OCLN: variants seen among roughly 807,000 people sequenced by gnomAD.
OCLN encodes occludin.
In OCLN, 21 loss-of-function variants were observed where a neutral mutation model predicts 47.9. The ratio of observed to expected loss-of-function variants is 0.44; its 90% CI spans 0.31 to 0.63. The LOEUF (loss-of-function observed/expected upper bound fraction) is 0.63, where lower values mean the gene tolerates loss of function less well. Ranked by LOEUF, OCLN falls within the 30% of genes least tolerant of loss-of-function variation. The probability of loss-of-function intolerance (pLI) is 0.08; values close to 1 mark genes in which losing one functional copy is unlikely to be tolerated. For missense variants in OCLN, 360 were observed against 571.0 expected (o/e 0.63, Z 3.77); for synonymous variants, 117 against 198.4 (o/e 0.59, Z 3.45).
At position 69,530,420 on chromosome 5, in the gene OCLN, G is replaced by A. The variant is rs540701859; in HGVS notation, c.892-4274G>A. Among the ~76,000 whole-genome samples, 366 of 152,128 alleles carry A rather than the reference G, an allele frequency of 2.4e-3. 1 individual carries two copies. The highest frequency in any genetic ancestry group is 8.7e-3 in the African/African-American group (360 of 41,490). ...ACTTTCCTACTGTCCTTCAAAAGCC[G>A]CAGATACTGGGTTTATACTTACTTG... On this transcript the variant is annotated intron_variant, in intron 4 of 8. Coordinates refer to ENST00000396442, the MANE Select transcript of OCLN (RefSeq NM_001205254.2).
At chr5:69,547,183 A>C (rs1580593671) in intron 6 of OCLN, among the ~76,000 whole-genome samples, 1 of 151,260 alleles carries the variant, frequency 6.6e-6, no homozygotes. Context: ...CCAGTCTGAA[A>C]ACTATGGGTG....
At chr5:69,502,362 C>A (rs1768485116) in intron 1 of OCLN, 1 of 152,092 alleles carries the variant, frequency 6.6e-6, no homozygotes, top group African/African-American at 2.4e-5. Flanking sequence ...AAGTGTCATT[C>A]AGGGATCATA....
chr5:69,504,220 A>G lies in OCLN; in HGVS notation c.-25A>G, dbSNP rs781207435. 6.3e-7 allele frequency: 1 copy of G among 1,582,022 alleles called. No homozygotes were observed. On this transcript the variant is annotated 5_prime_UTR_variant, in exon 2 of 9. Transcript: ENST00000396442. ...CTAAAGGGCATTGCTCATCCTGAAG[A>G]TCAGCTGACCATTGACAATCAGCCA...
chr5:69,533,835 T>C (rs190208323), intron 4 of OCLN, among the ~76,000 whole-genome samples: 1 of 152,270 alleles, frequency 6.6e-6, no homozygotes, highest in Admixed American at 6.5e-5. Flanking sequence ...TTTGTGTGTG[T>C]ATTTTTAGTA....
chr5:69,507,168 T>C (rs1343546812), intron 2 of OCLN, among the ~76,000 whole-genome samples: 1 of 152,242 alleles, frequency 6.6e-6, no homozygotes, highest in African/African-American at 2.4e-5. Flanking sequence ...AGACTCTCAC[T>C]TTGTTGCCCA....
chr5:69,529,921 TG>T (rs2112046833), intron 4 of OCLN, among the ~76,000 whole-genome samples: 1 of 152,322 alleles, frequency 6.6e-6, no homozygotes, highest in East Asian at 1.9e-4. Flanking sequence ...ATCTTTGATT[TG>T]TGTTTTCATC....
intron 4 of OCLN, among the ~76,000 whole-genome samples, chr5:69,520,011 T>C (rs991030643): frequency 6.6e-6 from 1 of 152,104 alleles, no homozygotes; most frequent in Non-Finnish European, 1.5e-5. Context: ...CAGGCTGGAG[T>C]GCGATGGCAC....
At chr5:69,528,918 AATT>A (rs1769355753) in intron 4 of OCLN, among the ~76,000 whole-genome samples, 1 of 152,180 alleles carries the variant, frequency 6.6e-6, no homozygotes, top group African/African-American at 2.4e-5. Flanking sequence ...CTAGGGATGA[AATT>A]AGGGCGAGGA....
At chr5:69,533,608 C>T (rs547859464) in intron 4 of OCLN, among the ~76,000 whole-genome samples, 2 of 152,258 alleles carry the variant, frequency 1.3e-5, no homozygotes, top group East Asian at 3.9e-4. Context: ...TAAGAAAGGG[C>T]TTACATTCCT....
chr5:69,494,977 G>A (rs1056194622), intron 1 of OCLN, among the ~76,000 whole-genome samples: 1 of 152,132 alleles, frequency 6.6e-6, no homozygotes, highest in Non-Finnish European at 1.5e-5. Context: ...AGTAACTGTA[G>A]CCTGATACAA....
rs1488867224 is a variant in OCLN at position 69,506,384 on chromosome 5, C to T, written c.50+2090C>T. Among the ~76,000 whole-genome samples the T allele has an allele frequency of 2.0e-5, 3 of 152,216 alleles. No homozygotes were observed. The East Asian group carries it at 5.8e-4, about 29-fold the overall frequency. On this transcript the variant is annotated intron_variant, in intron 2 of 8. Transcript: ENST00000396442. ...CGAGGTATGTGGGAAGCAGCCCTCC[C>T]TGGTTGTGCCACCCTCCAGGAACTT...
Position 69,553,834 on chromosome 5 carries a change from G to A in OCLN, c.*163G>A, listed in dbSNP as rs943313364. 3.3e-5 allele frequency: 31 copies of A among 952,472 alleles called. No homozygotes were observed. The highest frequency in any genetic ancestry group is 3.1e-4 in the Middle Eastern group (1 of 3,216). 59.0% of individuals were successfully genotyped at this position (952,472 alleles called of 1,614,324 possible). A position where few individuals can be genotyped will look rare whatever the true frequency, so the allele number is the denominator to read the frequency against. ...TCAGTATTGAAGCATTTTATAAATC[G>A]CTTTTGATAATCAACTGGGCTGAAC... is the stretch of plus-strand genomic sequence containing the variant. On this transcript the variant is annotated 3_prime_UTR_variant, in exon 9 of 9. Transcript: ENST00000396442.
intron 4 of OCLN, among the ~76,000 whole-genome samples, chr5:69,519,507 C>G (rs989866240): frequency 6.6e-6 from 1 of 152,092 alleles, no homozygotes; most frequent in Non-Finnish European, 1.5e-5. Context: ...GTAAAATAAA[C>G]AGCTCATGTT....
chr5:69,504,482 C>G (rs1437288821), intron 2 of OCLN, among the ~76,000 whole-genome samples, 188 bp downstream of exon 2: 1 of 152,194 alleles, frequency 6.6e-6, no homozygotes, highest in Non-Finnish European at 1.5e-5. Context: ...CAGTTTGTCT[C>G]TGCTAGGACA....
chr5:69,504,055 G>A, intron 1 of OCLN, 122 bp from the exon 2 acceptor site: 1 of 629,044 alleles, frequency 1.6e-6, no homozygotes, highest in Non-Finnish European at 2.9e-6. Flanking sequence ...AGCTGTGATT[G>A]GACCACTGCA....
At position 69,512,758 on chromosome 5, in the gene OCLN, A is replaced by G. The variant is rs557109911; in HGVS notation, c.730-1190A>G. 7.2e-5 allele frequency among the ~76,000 whole-genome samples: 11 copies of G among 152,362 alleles called. No individual in the cohort carries two copies. In the South Asian group the frequency reaches 2.1e-3, roughly 29 times the overall value. On this transcript the variant is annotated intron_variant, in intron 3 of 8. Transcript: ENST00000396442. ...TATAGTTTTCAGAGTGTAAGTTAGTATGTTTAAAAGCTAAGCAAGTGATTC... is the reference window on the plus strand; with the variant it reads ...TATAGTTTTCAGAGTGTAAGTTAGTGTGTTTAAAAGCTAAGCAAGTGATTC...
At chr5:69,515,955 C>T (rs1768952650) in intron 4 of OCLN, among the ~76,000 whole-genome samples, 1 of 151,016 alleles carries the variant, frequency 6.6e-6, no homozygotes, top group Admixed American at 6.6e-5. Context: ...CGGGAAGAGG[C>T]GCTCCTCACT....
Position 69,524,273 on chromosome 5 carries a change from A to C in OCLN, c.891+10164A>C, listed in dbSNP as rs183386937. 1.1e-3 allele frequency among the ~76,000 whole-genome samples: 169 copies of C among 152,370 alleles called. 2 individuals carry two copies. The highest frequency in any genetic ancestry group is 3.7e-3 in the African/African-American group (155 of 41,590). On this transcript the variant is annotated intron_variant, in intron 4 of 8. Transcript: ENST00000396442. ...TTATTGTTTCATAATGAACACCTGC[A>C]GATCTACCATCCCACCTAATAATTA...
rs80187464 is a variant in OCLN at position 69,521,769 on chromosome 5, T to A, written c.891+7660T>A. ...TTCTGTTCTGGTTATTATCTGTCAT[T>A]AATTTTTGTTAATCCAGTAAGTAAA... is the stretch of plus-strand genomic sequence containing the variant. On this transcript the variant is annotated intron_variant, in intron 4 of 8. Coordinates refer to ENST00000396442, the MANE Select transcript of OCLN (RefSeq NM_001205254.2). Among the ~76,000 whole-genome samples, 760 of 152,362 alleles carry A rather than the reference T, an allele frequency of 5.0e-3. 12 individuals are homozygous for A. Among genetic ancestry groups the A allele is most frequent in the African/African-American group, 0.018 (735 of 41,582 alleles).
Sources: allele counts gnomAD v4.1 joint callset (sites outside exome capture counted in the v4.1 genomes callset), GRCh38; gene constraint gnomAD v4.1.1; transcripts MANE v1.5; gene names NCBI Gene and HGNC (gene_info 2026-07-23, HGNC 2026-07-21).